UBP1: variants seen among roughly 807,000 people sequenced by gnomAD.
UBP1 encodes upstream binding protein 1.
Under a neutral mutation model 76.1 loss-of-function variants are expected in UBP1, and 22 were observed. That is an observed-to-expected ratio of 0.29 (90% CI 0.21 to 0.41). The LOEUF (loss-of-function observed/expected upper bound fraction) is 0.41. Among genes scored for constraint, UBP1 ranks in the 10% least tolerant of loss-of-function variants. The probability of loss-of-function intolerance (pLI) is 1.00; values close to 1 mark genes in which losing one functional copy is unlikely to be tolerated. For synonymous variants in UBP1, 224 were observed against 237.1 expected (o/e 0.94, Z 0.51); for missense variants, 436 against 668.1 (o/e 0.65, Z 3.83).
chr3:33,419,052 A>G (rs777689214), intron 2 of UBP1, among the ~76,000 whole-genome samples: 1 of 152,184 alleles, frequency 6.6e-6, no homozygotes, highest in Non-Finnish European at 1.5e-5. Flanking sequence ...CTATCAGAAC[A>G]GTATAAATCC....
At chr3:33,400,139 A>G (rs2044166331) in intron 11 of UBP1, 50 bp downstream of exon 11, 1 of 1,246,716 alleles carries the variant, frequency 8.0e-7, no homozygotes, top group Non-Finnish European at 1.1e-6. Flanking sequence ...AAAGCACAGA[A>G]ACAAAAACAA....
At chr3:33,393,917 T>C (rs1231987896) in intron 13 of UBP1, among the ~76,000 whole-genome samples, 1 of 152,206 alleles carries the variant, frequency 6.6e-6, no homozygotes, top group Non-Finnish European at 1.5e-5. Flanking sequence ...GAGGACTTTA[T>C]GGTATGTAAA....
At chr3:33,432,879 T>C (rs2045136443) in intron 1 of UBP1, among the ~76,000 whole-genome samples, 1 of 152,184 alleles carries the variant, frequency 6.6e-6, no homozygotes, top group South Asian at 2.1e-4. Flanking sequence ...TCTGGTTGTA[T>C]AAGTAGGAGA....
At chr3:33,425,044 CA>C (rs1050602643) in intron 2 of UBP1, among the ~76,000 whole-genome samples, 51 of 143,284 alleles carry the variant, frequency 3.6e-4, no homozygotes, top group African/African-American at 3.1e-4. Context: ...AACTCAGTCT[CA>C]AAAAAAAAAA....
chr3:33,423,685 T>C (rs1446517112), intron 2 of UBP1, among the ~76,000 whole-genome samples: 1 of 152,192 alleles, frequency 6.6e-6, no homozygotes, highest in Non-Finnish European at 1.5e-5. Context: ...TTCAAAAAAA[T>C]TTTGTTAAAA....
At chr3:33,396,347 C>G in intron 12 of UBP1, 67 bp from the exon 13 acceptor site, 1 of 1,178,510 alleles carries the variant, frequency 8.5e-7, no homozygotes, top group Non-Finnish European at 1.2e-6. Flanking sequence ...ACAAATATGA[C>G]AACTACAGGA....
At chr3:33,419,323 C>G (rs754589824) in intron 2 of UBP1, among the ~76,000 whole-genome samples, 3 of 151,978 alleles carry the variant, frequency 2.0e-5, no homozygotes, top group African/African-American at 7.3e-5. Context: ...GGTGAAACCC[C>G]GTCTCTACTA....
In UBP1 at chr3:33,388,801, A is replaced by C. The variant is rs1233652333; in HGVS notation, c.*1530T>G. The C allele has an allele frequency of 6.6e-6, 1 of 152,194 alleles. No individual in the cohort carries two copies. Among genetic ancestry groups the C allele is most frequent in the Non-Finnish European group, 1.5e-5 (1 of 68,024 alleles). The allele number at this position is 152,194 out of a possible 1,614,324, so 9.4% of individuals were successfully genotyped here. ...AAATAGATCGTGCTTCTTTGTAGCA[A>C]ATAATTAACCCCCTTTATGAATAAA... On this transcript the variant is annotated 3_prime_UTR_variant, in exon 16 of 16. Transcript: ENST00000283629.
intron 9 of UBP1, among the ~76,000 whole-genome samples, chr3:33,401,264 GT>G (rs1271186514): frequency 6.6e-6 from 1 of 152,116 alleles, no homozygotes; most frequent in African/African-American, 2.4e-5. Flanking sequence ...AGAAATTCAA[GT>G]TTTGTGAAAC....
At chr3:33,394,803 C>A (rs1306329557) in intron 13 of UBP1, among the ~76,000 whole-genome samples, 1 of 148,848 alleles carries the variant, frequency 6.7e-6, no homozygotes, top group African/African-American at 2.5e-5. Flanking sequence ...TGGGCCAATT[C>A]CTGCCCTCCA....
At chr3:33,426,061 A>C (rs1438449433) in intron 1 of UBP1, among the ~76,000 whole-genome samples, 1 of 136,412 alleles carries the variant, frequency 7.3e-6, no homozygotes, top group African/African-American at 2.8e-5. Flanking sequence ...ACTTCTTTTA[A>C]AACTTTAAGG....
In UBP1 at chr3:33,394,721, G is replaced by T. The variant is rs1316258284; in HGVS notation, c.1391-1267C>A. Reference sequence around the variant, plus strand: ...ACCCAGAATTTTCCATTACATAAAAGAAGCTGGAACTAAAATTACAGTAAG... The same window carrying T: ...ACCCAGAATTTTCCATTACATAAAATAAGCTGGAACTAAAATTACAGTAAG... On this transcript the variant is annotated intron_variant, in intron 13 of 15. Transcript: ENST00000283629. Among the ~76,000 whole-genome samples the T allele has an allele frequency of 3.3e-5, 5 of 151,492 alleles. No homozygotes were observed. In the East Asian group the frequency reaches 9.7e-4, roughly 29 times the overall value.
intron 3 of UBP1, among the ~76,000 whole-genome samples, chr3:33,415,487 CATG>C (rs2044705089): frequency 6.6e-6 from 1 of 152,120 alleles, no homozygotes; most frequent in Admixed American, 6.5e-5. Flanking sequence ...TTGAAGTTGG[CATG>C]AGAACTTATG....
intron 4 of UBP1, among the ~76,000 whole-genome samples, chr3:33,411,912 T>A (rs531772204): frequency 1.3e-5 from 2 of 152,256 alleles, no homozygotes; most frequent in African/African-American, 4.8e-5. Flanking sequence ...ATGATAAGGC[T>A]GAGCGTGGTG....
chr3:33,425,848 A>T, intron 1 of UBP1, 107 bp from the exon 2 acceptor site: 1 of 1,043,154 alleles, frequency 9.6e-7, no homozygotes, highest in Non-Finnish European at 1.3e-6. Context: ...TTAAAAGCAT[A>T]TAAACATTTA....
At chr3:33,422,026 G>A (rs2044908427) in intron 2 of UBP1, among the ~76,000 whole-genome samples, 1 of 152,114 alleles carries the variant, frequency 6.6e-6, no homozygotes, top group South Asian at 2.1e-4. Flanking sequence ...CTAAGAGACA[G>A]AGTGAGACCC....
chr3:33,422,744 G>A (rs989909293), intron 2 of UBP1, among the ~76,000 whole-genome samples: 9 of 125,556 alleles, frequency 7.2e-5, no homozygotes, highest in Non-Finnish European at 1.5e-4. Context: ...AGAAGGGAGA[G>A]GGGGAGGGAG....
chr3:33,400,959 T>A lies in UBP1; in HGVS notation c.1086+3A>T. On this transcript the variant is annotated splice_donor_region_variant and intron_variant, in intron 10 of 15. Transcript: ENST00000283629. ...CAGATAGTTTTAGGAGAAAGATACT[T>A]ACTTCACCAGAGGTCTGTGAAGCTC... 1.9e-6 allele frequency: 3 copies of A among 1,593,512 alleles called. No individual in the cohort carries two copies. Among genetic ancestry groups the A allele is most frequent in the Middle Eastern group, 1.7e-4 (1 of 6,024 alleles).
intron 3 of UBP1, among the ~76,000 whole-genome samples, chr3:33,413,493 G>A (rs2044646015): frequency 2.1e-5 from 3 of 143,082 alleles, no homozygotes; most frequent in South Asian, 2.2e-4. Context: ...CTTGCAGTGA[G>A]CCAAGTTCGC....
Sources: allele counts gnomAD v4.1 joint callset (sites outside exome capture counted in the v4.1 genomes callset), GRCh38; gene constraint gnomAD v4.1.1; transcripts MANE v1.5; gene names NCBI Gene and HGNC (gene_info 2026-07-23, HGNC 2026-07-21).